POTEB3: variants seen among roughly 807,000 people sequenced by gnomAD.
POTEB3 encodes POTE ankyrin domain family member B3.
A neutral mutation model predicts 39.8 loss-of-function variants in POTEB3; 5 were observed. That is an observed-to-expected ratio of 0.13 (90% CI 0.07 to 0.26). The LOEUF is 0.26. Among genes scored for constraint, POTEB3 ranks in the 10% least tolerant of loss-of-function variants. The pLI is 1.00. For synonymous variants in POTEB3, 5 were observed against 161.5 expected (o/e 0.03, Z 7.35); for missense variants, 24 against 475.6 (o/e 0.05, Z 8.83).
At chr15:21,424,843 C>A (rs1337834683) in intron 6 of POTEB3, among the ~76,000 whole-genome samples, 2 of 148,396 alleles carry the variant, frequency 1.3e-5, no homozygotes, top group Non-Finnish European at 3.0e-5. Context: ...TTGACTATAC[C>A]TCTCTTCTGC....
rs200027115 is a variant in POTEB3, at chr15:21,419,776, C to T, written c.1243-146G>A. ...CTTAAATTTGATCATATATACAGAA[C>T]TATAACCGTATAATTTTAAGATGTA... On this transcript the variant is annotated intron_variant, in intron 8 of 10. Transcript: ENST00000611217. The T allele has an allele frequency of 9.3e-6, 5 of 536,916 alleles. No homozygotes were observed. In the East Asian group the frequency reaches 1.1e-4, roughly 12 times the overall value. The allele number at this position is 536,916 out of a possible 1,614,324, so 33.3% of individuals were successfully genotyped here.
At chr15:21,418,169 T>TC (rs1898441446) in intron 9 of POTEB3, among the ~76,000 whole-genome samples, 2 of 76,866 alleles carry the variant, frequency 2.6e-5, no homozygotes, top group East Asian at 6.0e-4. Context: ...ACAATTGCAC[T>TC]CCAGCCTGGG....
rs2626178 is a variant in POTEB3, at chr15:21,407,939, A to G, written c.*1044T>C. On this transcript the variant is annotated 3_prime_UTR_variant, in exon 11 of 11. Transcript: ENST00000611217. ...AGAGACATAGATGTCCCTGCCCTCC[A>G]GGCTCCACATCAGCTGACTTGCTGC... Among the ~76,000 whole-genome samples the G allele has an allele frequency of 5.4e-5, 4 of 74,598 alleles. 1 individual carries two copies. The highest frequency in any genetic ancestry group is 7.1e-5 in the Non-Finnish European group (3 of 42,230). The allele number at this position is 74,598 out of a possible 152,430, so 48.9% of individuals were successfully genotyped here. A position where few individuals can be genotyped will look rare whatever the true frequency, so the allele number is the denominator to read the frequency against.
chr15:21,430,532 CATAAGCA>C (rs1898914419), intron 4 of POTEB3, 131 bp from the exon 5 acceptor site: 1 of 595,652 alleles, frequency 1.7e-6, no homozygotes, highest in African/African-American at 1.9e-5. Context: ...CGCTAAAAGA[CATAAGCA>C]TCTTGGGTGC....
chr15:21,425,022 T>C (rs2672434), intron 6 of POTEB3: 4 of 148,222 alleles, frequency 2.7e-5, no homozygotes, highest in Admixed American at 2.0e-4. Context: ...AAATGAGTAA[T>C]GGGGATTCCA....
chr15:21,414,395 A>G (rs1898375374), intron 9 of POTEB3, among the ~76,000 whole-genome samples: 1 of 113,022 alleles, frequency 8.8e-6, no homozygotes, highest in Non-Finnish European at 1.7e-5. Context: ...TGAAGTCTAC[A>G]ATTCTGGAAT....
At chr15:21,410,609 G>A (rs1432188190) in intron 10 of POTEB3, among the ~76,000 whole-genome samples, 1 of 73,522 alleles carries the variant, frequency 1.4e-5, no homozygotes, top group Non-Finnish European at 2.4e-5. Context: ...CTTTTCCTTT[G>A]GATTGAGGCC....
At chr15:21,413,537 TA>T (rs1314154187) in intron 9 of POTEB3, among the ~76,000 whole-genome samples, 4 of 25,666 alleles carry the variant, frequency 1.6e-4, no homozygotes, top group South Asian at 9.5e-4. Context: ...TATATATATA[TA>T]TATATATATA....
chr15:21,430,900 C>G (rs1261225459), intron 4 of POTEB3, among the ~76,000 whole-genome samples: 1 of 151,888 alleles, frequency 6.6e-6, no homozygotes. Context: ...AATTAAATGC[C>G]ACATGTATCT....
chr15:21,405,815 G>T lies in POTEB3; in HGVS notation c.*3168C>A, dbSNP rs1898218630. 1.2e-5 allele frequency among the ~76,000 whole-genome samples: 1 copy of T among 83,148 alleles called. No homozygotes were observed. Among genetic ancestry groups the T allele is most frequent in the Non-Finnish European group, 2.1e-5 (1 of 46,728 alleles). 54.5% of individuals were successfully genotyped at this position (83,148 alleles called of 152,430 possible). On this transcript the variant is annotated 3_prime_UTR_variant, in exon 11 of 11. Coordinates refer to ENST00000611217, the MANE Select transcript of POTEB3 (RefSeq NM_207355.5). ...TTTAAGATGTTGAATATCTTTTCTGGCTTGTACAGTTTCAGTTGAGAGGTC... is the reference window on the plus strand; with the variant it reads ...TTTAAGATGTTGAATATCTTTTCTGTCTTGTACAGTTTCAGTTGAGAGGTC...
intron 3 of POTEB3, among the ~76,000 whole-genome samples, chr15:21,434,460 G>A (rs1899111716): frequency 2.5e-5 from 2 of 81,340 alleles, no homozygotes; most frequent in East Asian, 5.7e-4. Flanking sequence ...AACCACAAGT[G>A]CACTGAAAAA....
rs1453001651 is a variant in POTEB3, at chr15:21,420,478, GA to G, written c.1242+195del. On this transcript the variant is annotated intron_variant, in intron 8 of 10. Transcript: ENST00000611217. ...CCATTCAGGATTGTTCCATAATAAT[GA>G]AAGAATCTCTCTAGGGTTTGTATCT... Among the ~76,000 whole-genome samples, 116 of 57,982 alleles carry G rather than the reference GA, an allele frequency of 2.0e-3. 7 individuals carry two copies. Among genetic ancestry groups the G allele is most frequent in the Admixed American group, 0.015 (104 of 7,084 alleles). 38.0% of individuals were successfully genotyped at this position (57,982 alleles called of 152,430 possible). A position where few individuals can be genotyped will look rare whatever the true frequency, so the allele number is the denominator to read the frequency against.
chr15:21,409,391 A>G (rs1230503762), intron 10 of POTEB3, among the ~76,000 whole-genome samples, 196 bp from the exon 11 acceptor site: 1 of 67,790 alleles, frequency 1.5e-5, no homozygotes, highest in Admixed American at 1.2e-4. Flanking sequence ...TTATCTAAAG[A>G]CCATGAAAAA....
chr15:21,434,030 AACACAC>A (rs60010729), intron 3 of POTEB3, among the ~76,000 whole-genome samples: 87 of 119,816 alleles, frequency 7.3e-4, no homozygotes, highest in African/African-American at 2.5e-3. Flanking sequence ...CAACAATAAC[AACACAC>A]ACACACACAC....
At chr15:21,419,881 T>C in intron 8 of POTEB3, among the ~76,000 whole-genome samples, 1 of 138,212 alleles carries the variant, frequency 7.2e-6, no homozygotes, top group South Asian at 2.2e-4. Flanking sequence ...AACAGAATTT[T>C]CCAAAATTCA....
chr15:21,420,812 G>C, intron 7 of POTEB3, 94 bp from the exon 8 acceptor site: 1 of 79,548 alleles, frequency 1.3e-5, no homozygotes, highest in Non-Finnish European at 2.5e-5. Flanking sequence ...TTATTCTTAA[G>C]TAATCAAGTA....
chr15:21,410,261 G>A (rs1458002484), intron 10 of POTEB3, among the ~76,000 whole-genome samples: 1 of 90,732 alleles, frequency 1.1e-5, no homozygotes, highest in African/African-American at 8.3e-5. Flanking sequence ...TACGGGAAAC[G>A]TACTGAACTA....
rs1183571914 is a variant in POTEB3 at position 21,410,726 on chromosome 15, GGTGT to G, written c.1533+148_1533+151del. On this transcript the variant is annotated intron_variant, in intron 10 of 10. Coordinates refer to ENST00000611217, the MANE Select transcript of POTEB3 (RefSeq NM_207355.5). ...GATATATGACCAAGGATATACAGGG[GGTGT>G]GTGTGTGTGTGTGTATATATACACA... Among the ~76,000 whole-genome samples the G allele has an allele frequency of 2.2e-4, 15 of 68,572 alleles. 2 individuals are homozygous for G. The highest frequency in any genetic ancestry group is 3.9e-4 in the Non-Finnish European group (15 of 38,372). 45.0% of individuals were successfully genotyped at this position (68,572 alleles called of 152,430 possible). A position where few individuals can be genotyped will look rare whatever the true frequency, so the allele number is the denominator to read the frequency against.
intron 3 of POTEB3, among the ~76,000 whole-genome samples, chr15:21,433,926 C>A (rs1899079047): frequency 6.6e-6 from 1 of 150,714 alleles, no homozygotes; most frequent in Non-Finnish European, 1.5e-5. Context: ...AGGCAGTTTA[C>A]AACCCACTAA....
Sources: allele counts gnomAD v4.1 joint callset (sites outside exome capture counted in the v4.1 genomes callset), GRCh38; gene constraint gnomAD v4.1.1; transcripts MANE v1.5; gene names NCBI Gene and HGNC (gene_info 2026-07-23, HGNC 2026-07-21).